The following SP140 variants were observed in gnomAD, a reference collection of about 807,000 sequenced individuals.
SP140 encodes SP140 nuclear body protein.
In SP140, 81 loss-of-function variants were observed where a neutral mutation model predicts 125.0. The ratio of observed to expected loss-of-function variants is 0.65; its 90% confidence interval spans 0.54 to 0.78. The LOEUF is 0.78. Ranked by LOEUF, SP140 falls within the 30% of genes least tolerant of loss-of-function variation. The pLI is 0.00. For missense variants in SP140, 858 were observed against 1,037.0 expected (o/e 0.83, Z 2.37); for synonymous variants, 312 against 354.0 (o/e 0.88, Z 1.33).
At chr2:230,271,182 G>T (rs1487214867) in intron 15 of SP140, among the ~76,000 whole-genome samples, 2 of 152,196 alleles carry the variant, frequency 1.3e-5, no homozygotes, top group East Asian at 1.9e-4. Flanking sequence ...CCACTAAATT[G>T]GTGGTAATTT....
the SP140 span, among the ~76,000 whole-genome samples, chr2:230,187,895 C>T: frequency 6.6e-6 from 1 of 152,066 alleles, no homozygotes; most frequent in South Asian, 2.1e-4. Context: ...GTAACTATAG[C>T]CTTGTAGTAT....
intron 4 of SP140, among the ~76,000 whole-genome samples, chr2:230,243,155 C>T (rs559474111): frequency 6.6e-6 from 1 of 152,212 alleles, no homozygotes; most frequent in Non-Finnish European, 1.5e-5. Context: ...TTAAATCTCT[C>T]TTTCAAACTG....
chr2:230,192,366 G>A, the SP140 span, among the ~76,000 whole-genome samples: 1 of 152,138 alleles, frequency 6.6e-6, no homozygotes, highest in African/African-American at 2.4e-5. Context: ...CAGATGACAT[G>A]ATTATATACT....
intron 22 of SP140, among the ~76,000 whole-genome samples, chr2:230,306,103 C>T (rs371827327): frequency 2.0e-4 from 31 of 152,332 alleles, no homozygotes; most frequent in South Asian, 4.1e-4. Flanking sequence ...GCAGCAGGAA[C>T]GGCCAGAGGA....
intron 1 of SP140, chr2:230,208,024 T>G: frequency 6.4e-7 from 1 of 1,568,898 alleles, no homozygotes; most frequent in South Asian, 1.1e-5. Flanking sequence ...TGTCTCCTTT[T>G]TGGAGTTGAC....
rs933076686 is a variant in SP140 at position 230,225,750 on chromosome 2, C to T, written c.-95C>T. 9.7e-7 allele frequency: 1 copy of T among 1,033,982 alleles called. No homozygotes were observed. Among genetic ancestry groups the T allele is most frequent in the Admixed American group, 1.7e-5 (1 of 58,788 alleles). The allele number at this position is 1,033,982 out of a possible 1,614,324, so 64.1% of individuals were successfully genotyped here. ...ATTTCACTTTTCTTTTCCTCTTTGA[C>T]TGAGCACCGAGGGGCAGTTGGCAGC... On this transcript the variant is annotated 5_prime_UTR_variant, in exon 1 of 27. Transcript: ENST00000392045.
Position 230,294,255 on chromosome 2 carries a change from T to G in SP140, c.1969-16T>G. On this transcript the variant is annotated splice_polypyrimidine_tract_variant and intron_variant, in intron 20 of 26. Coordinates refer to ENST00000392045, the MANE Select transcript of SP140 (RefSeq NM_007237.5). ...AACACAGGCTGACCATATACCTGAA[T>G]CTTTTTGTCTTTCAGAATGGATTTC... is the stretch of plus-strand genomic sequence containing the variant. 1 of 1,611,422 alleles carries G rather than the reference T, an allele frequency of 6.2e-7. No individual in the cohort carries two copies. Among genetic ancestry groups the G allele is most frequent in the Admixed American group, 1.7e-5 (1 of 59,958 alleles).
intron 21 of SP140, 135 bp from the exon 22 acceptor site, chr2:230,297,286 G>A (rs761223720): frequency 2.3e-5 from 23 of 1,017,998 alleles, no homozygotes; most frequent in Non-Finnish European, 2.9e-5. Flanking sequence ...CAGCCTACTG[G>A]CCTTCTCTCT....
At chr2:230,265,682 C>T (rs533130750) in intron 12 of SP140, among the ~76,000 whole-genome samples, 3 of 152,164 alleles carry the variant, frequency 2.0e-5, no homozygotes, top group East Asian at 1.9e-4. Context: ...CAGGTAAAGT[C>T]GGAAACTTCT....
intron 1 of SP140, among the ~76,000 whole-genome samples, chr2:230,226,503 T>A (rs2046382905): frequency 6.6e-6 from 1 of 152,136 alleles, no homozygotes; most frequent in African/African-American, 2.4e-5. Context: ...TGTTCTGGTA[T>A]TTTTTACATA....
chr2:230,312,728 A>T lies in SP140; in HGVS notation c.*44A>T, dbSNP rs952925524. 7.7e-6 allele frequency: 11 copies of T among 1,421,482 alleles called. No homozygotes were observed. The African/African-American group carries it at 1.4e-4, about 18-fold the overall frequency. 88.1% of individuals were successfully genotyped at this position (1,421,482 alleles called of 1,614,324 possible). A position where few individuals can be genotyped will look rare whatever the true frequency, so the allele number is the denominator to read the frequency against. On this transcript the variant is annotated 3_prime_UTR_variant, in exon 27 of 27. Transcript: ENST00000392045. The stretch of plus-strand genomic sequence containing the variant: ...AAAGCATTCAGCAAATGGCACCCTA[A>T]AATATGCCGCTGGTTTGCCACTGAC...
chr2:230,226,608 C>G (rs1441575427), intron 1 of SP140, among the ~76,000 whole-genome samples: 1 of 151,662 alleles, frequency 6.6e-6, no homozygotes, highest in Admixed American at 6.6e-5. Context: ...ACTAAAAATA[C>G]AAAATTAGCT....
At chr2:230,260,619 A>G (rs185066042) in intron 12 of SP140, among the ~76,000 whole-genome samples, 1 of 152,300 alleles carries the variant, frequency 6.6e-6, no homozygotes, top group Admixed American at 6.5e-5. Flanking sequence ...TGATTTTTGT[A>G]TAAGGTGAGA....
At chr2:230,197,921 G>T in the SP140 span, among the ~76,000 whole-genome samples, 1 of 152,080 alleles carries the variant, frequency 6.6e-6, no homozygotes, top group East Asian at 1.9e-4. Context: ...CAAAGTGCTG[G>T]GATTACAGGT....
rs2049025412 is a variant in SP140, at chr2:230,243,742, G to A, written c.502G>A (p.Ala168Thr). The part of the protein sequence containing the change: ...LPYGKQENSN[A>T]CHEMDDIAVP... The stretch of plus-strand genomic sequence containing the variant: ...ATTCCTTTCGGCAGAGAACAGCAAT[G>A]CCTGTCATGAAATGGATGATATAGC... Residue 168 changes from alanine (A) to threonine (T), a missense_variant, in exon 5 of 27, where the codon GCC becomes ACC. By Grantham distance (58) the Ala-to-Thr change is moderately conservative (BLOSUM62 0). Around this residue, in one of 4 missense-constraint regions of SP140, gnomAD observed 791 missense variants for 869.5 expected, o/e 0.91. Coordinates refer to ENST00000392045, the MANE Select transcript of SP140 (RefSeq NM_007237.5). 2.5e-6 allele frequency: 4 copies of A among 1,612,332 alleles called. No homozygotes were observed. In the East Asian group the frequency reaches 6.7e-5, roughly 27 times the overall value.
intron 15 of SP140, among the ~76,000 whole-genome samples, chr2:230,281,890 T>C (rs1009075816): frequency 6.6e-6 from 1 of 152,222 alleles, no homozygotes; most frequent in Non-Finnish European, 1.5e-5. Flanking sequence ...TCCTGTTTTT[T>C]CGTATCTCCT....
chr2:230,266,257 G>A (rs1303848573), intron 12 of SP140, among the ~76,000 whole-genome samples: 1 of 152,012 alleles, frequency 6.6e-6, no homozygotes, highest in Non-Finnish European at 1.5e-5. Context: ...TTTTTGTTTT[G>A]TTTCATTTTG....
intron 9 of SP140, among the ~76,000 whole-genome samples, chr2:230,250,151 T>A (rs2050138588): frequency 6.6e-6 from 1 of 152,258 alleles, no homozygotes; most frequent in Non-Finnish European, 1.5e-5. Context: ...ATGAATATCC[T>A]GTTTGCTCTT....
Position 230,237,192 on chromosome 2 carries a change from A to G in SP140, c.169A>G (p.Ile57Val). 1.9e-6 allele frequency: 3 copies of G among 1,613,774 alleles called. No individual in the cohort carries two copies. The highest frequency in any genetic ancestry group is 2.5e-6 in the Non-Finnish European group (3 of 1,179,840). Residue 57 changes from isoleucine to valine, a missense_variant, in exon 2 of 27, where the codon ATA becomes GTA. By Grantham distance (29) the Ile-to-Val change is conservative. Transcript: ENST00000392045. This position sits in a 1 kb window ranked among gnomAD's most constrained non-coding sequence, Gnocchi z 5.4. ...RENKVEIASAITRPFPFLMGL... is the reference protein window; with the variant it reads ...RENKVEIASAVTRPFPFLMGL... ...AAACAAGGTGGAGATTGCAAGTGCAATAACAAGGCCATTTCCTTTCCTTAT... is the reference window on the plus strand; with the variant it reads ...AAACAAGGTGGAGATTGCAAGTGCAGTAACAAGGCCATTTCCTTTCCTTAT...
Sources: allele counts gnomAD v4.1 joint callset (sites outside exome capture counted in the v4.1 genomes callset), GRCh38; gene constraint gnomAD v4.1.1; regional missense constraint gnomAD v4.1.1; non-coding constraint Gnocchi (gnomAD v3.1); transcripts MANE v1.5; gene names NCBI Gene and HGNC (gene_info 2026-07-23, HGNC 2026-07-21).